The following NRXN1 variants were observed in gnomAD, a reference collection of about 807,000 sequenced individuals.
The protein encoded by NRXN1 is neurexin-1.
In NRXN1, 39 loss-of-function variants were observed where a neutral mutation model predicts 150.9. The ratio of observed to expected loss-of-function variants is 0.26; its 90% CI spans 0.20 to 0.34. The LOEUF (loss-of-function observed/expected upper bound fraction) is 0.34. NRXN1 is among the 10% of genes least tolerant of loss of function. The pLI is 1.00. For synonymous variants in NRXN1, 924 were observed against 757.0 expected, an observed-to-expected ratio of 1.22 and a Z score of -3.62; for missense variants, 1,815 against 1,949.9, an observed-to-expected ratio of 0.93 and a Z score of 1.30.
chr2:50,656,748 G>C (rs1248913663), intron 5 of NRXN1, among the ~76,000 whole-genome samples: 1 of 132,716 alleles, frequency 7.5e-6, no homozygotes, highest in East Asian at 2.2e-4. Context: ...AGCTTACAAA[G>C]AAAAAAAAAA....
chr2:50,714,906 A>C (rs1396415556), intron 5 of NRXN1, among the ~76,000 whole-genome samples: 4 of 152,156 alleles, frequency 2.6e-5, no homozygotes, highest in Non-Finnish European at 5.9e-5. Context: ...ACATTAGAAT[A>C]ATTCAGTATA....
chr2:50,661,219 G>C (rs1490580899), intron 5 of NRXN1, among the ~76,000 whole-genome samples: 1 of 151,938 alleles, frequency 6.6e-6, no homozygotes. Context: ...AGAATCTCTG[G>C]TCTCTTTGAT....
chr2:50,742,570 T>C (rs1699555391), intron 5 of NRXN1, among the ~76,000 whole-genome samples: 1 of 138,336 alleles, frequency 7.2e-6, no homozygotes, highest in Non-Finnish European at 1.5e-5. Context: ...ATCACGCCAC[T>C]ACACTTCAGC....
chr2:50,711,279 T>C (rs1695102595), intron 5 of NRXN1, among the ~76,000 whole-genome samples: 1 of 147,706 alleles, frequency 6.8e-6, no homozygotes. Context: ...CTCAGGAATC[T>C]GCACTTTCAT....
intron 22 of NRXN1, among the ~76,000 whole-genome samples, chr2:49,925,353 C>G (rs1668925432): frequency 6.7e-6 from 1 of 149,982 alleles, no homozygotes; most frequent in Non-Finnish European, 1.5e-5. Context: ...TATGCAATAA[C>G]AGGCCAAAGA....
At chr2:50,850,077 C>A (rs1212340077) in intron 5 of NRXN1, among the ~76,000 whole-genome samples, 2 of 151,690 alleles carry the variant, frequency 1.3e-5, no homozygotes, top group Non-Finnish European at 2.9e-5. Flanking sequence ...AAAAAAATAG[C>A]CAGGCATGAT....
intron 2 of NRXN1, among the ~76,000 whole-genome samples, chr2:50,949,656 C>G (rs1690980475): frequency 6.6e-6 from 1 of 152,022 alleles, no homozygotes; most frequent in African/African-American, 2.4e-5. Context: ...CCTACTCAGG[C>G]CTTCATTCTC....
In NRXN1 at chr2:51,013,940, T is replaced by C. The variant is rs1018361772; in HGVS notation, c.772+13562A>G. On this transcript the variant is annotated intron_variant, in intron 2 of 22. Coordinates refer to ENST00000401669, the MANE Select transcript of NRXN1 (RefSeq NM_001330078.2). ...CTACTTTTCCTGCTTACAAATGCAA[T>C]GCTATCAAGATTTTTCCCTTTATAC... Among the ~76,000 whole-genome samples the C allele has an allele frequency of 1.1e-4, 16 of 152,184 alleles. No homozygotes were observed. In the East Asian group the frequency reaches 2.7e-3, roughly 26 times the overall value.
intron 21 of NRXN1, among the ~76,000 whole-genome samples, chr2:50,044,823 A>T: frequency 6.6e-6 from 1 of 152,212 alleles, no homozygotes; most frequent in East Asian, 1.9e-4. Context: ...AGTTGCACAT[A>T]AGATTTTGCA....
intron 17 of NRXN1, among the ~76,000 whole-genome samples, chr2:50,297,091 A>G (rs1481806113): frequency 2.0e-5 from 3 of 151,834 alleles, no homozygotes; most frequent in African/African-American, 7.2e-5. Context: ...GGGTTTCACC[A>G]TAATGGTCAG....
At position 50,932,046 on chromosome 2, in the gene NRXN1, T is replaced by C. The variant is rs141123587; in HGVS notation, c.773-6091A>G. Among the ~76,000 whole-genome samples the C allele has an allele frequency of 2.1e-4, 32 of 152,042 alleles. 1 individual carries two copies. In the East Asian group the frequency reaches 5.1e-3, roughly 24 times the overall value. On this transcript the variant is annotated intron_variant, in intron 2 of 22. Transcript: ENST00000401669. Reference sequence around the variant, plus strand: ...TCTGCTAATTTTTGCATTTTTTTAGTAGACACAGGATTTCACCATGTTGGC... The same window carrying C: ...TCTGCTAATTTTTGCATTTTTTTAGCAGACACAGGATTTCACCATGTTGGC...
intron 2 of NRXN1, among the ~76,000 whole-genome samples, chr2:51,019,719 A>T (rs921322559): frequency 1.3e-5 from 2 of 152,044 alleles, no homozygotes; most frequent in African/African-American, 2.4e-5. Context: ...ACATTGCCTG[A>T]TTGTGTTGGT....
At position 50,988,790 on chromosome 2, in the gene NRXN1, T is replaced by A. The variant is rs184739590; in HGVS notation, c.772+38712A>T. 3.0e-4 allele frequency among the ~76,000 whole-genome samples: 45 copies of A among 152,074 alleles called. 1 individual carries two copies. Among genetic ancestry groups the A allele is most frequent in the African/African-American group, 1.1e-3 (44 of 41,552 alleles). Reference sequence around the variant, plus strand: ...TTCAAATGGTTTTTCCCCAGTTTATTAGCTGTATGAGGGTGCCTAAATTAT... The same window carrying A: ...TTCAAATGGTTTTTCCCCAGTTTATAAGCTGTATGAGGGTGCCTAAATTAT... On this transcript the variant is annotated intron_variant, in intron 2 of 22. Coordinates refer to ENST00000401669, the MANE Select transcript of NRXN1 (RefSeq NM_001330078.2).
chr2:50,592,504 G>T (rs1442544306), intron 8 of NRXN1, among the ~76,000 whole-genome samples: 1 of 152,220 alleles, frequency 6.6e-6, no homozygotes, highest in Non-Finnish European at 1.5e-5. Flanking sequence ...ACAAAACAGA[G>T]GGCAGGGAGG....
At chr2:50,726,927 T>G (rs1008610771) in intron 5 of NRXN1, among the ~76,000 whole-genome samples, 1 of 152,142 alleles carries the variant, frequency 6.6e-6, no homozygotes, top group Non-Finnish European at 1.5e-5. Context: ...ATCCTATATA[T>G]AGTCATAAAT....
At chr2:50,090,701 T>C (rs935783425) in intron 19 of NRXN1, among the ~76,000 whole-genome samples, 1 of 152,192 alleles carries the variant, frequency 6.6e-6, no homozygotes, top group African/African-American at 2.4e-5. Context: ...CGGCTTGACA[T>C]TTATTTTATA....
chr2:50,939,126 G>A (rs1688994108), intron 2 of NRXN1, among the ~76,000 whole-genome samples: 1 of 145,990 alleles, frequency 6.8e-6, no homozygotes, highest in Admixed American at 7.2e-5. Context: ...CAGGAGAATG[G>A]CATGAACCTG....
At chr2:50,325,306 T>G (rs956701638) in intron 17 of NRXN1, among the ~76,000 whole-genome samples, 2 of 152,146 alleles carry the variant, frequency 1.3e-5, no homozygotes, top group Non-Finnish European at 2.9e-5. Flanking sequence ...AGTGCTGATA[T>G]AAAGCCATTC....
At chr2:50,248,936 C>G (rs1025233951) in intron 17 of NRXN1, among the ~76,000 whole-genome samples, 8 of 151,454 alleles carry the variant, frequency 5.3e-5, no homozygotes, top group Admixed American at 1.3e-4. Context: ...TCCTTGAGGC[C>G]AGGAGTTTGA....
Sources: allele counts gnomAD v4.1 joint callset (sites outside exome capture counted in the v4.1 genomes callset), GRCh38; gene constraint gnomAD v4.1.1; transcripts MANE v1.5; gene names NCBI Gene and HGNC (gene_info 2026-07-23, HGNC 2026-07-21).